The following CCDC18 variants were observed in gnomAD, a reference collection of about 807,000 sequenced individuals.
The protein encoded by CCDC18 is coiled-coil domain containing 18.
A neutral mutation model predicts 196.0 loss-of-function variants in CCDC18; 157 were observed. The ratio of observed to expected loss-of-function variants is 0.80; its 90% confidence interval spans 0.70 to 0.91. The LOEUF (loss-of-function observed/expected upper bound fraction) is 0.91. Ranked by LOEUF, CCDC18 falls within the 40% of genes least tolerant of loss-of-function variation. CCDC18 has a pLI of 0.00. For missense variants in CCDC18, 1,465 were observed against 1,611.6 expected, an observed-to-expected ratio of 0.91 and a Z score of 1.56; for synonymous variants, 482 against 529.2, an observed-to-expected ratio of 0.91 and a Z score of 1.22.
intron 26 of CCDC18, among the ~76,000 whole-genome samples, chr1:93,263,115 C>T (rs1468359025): frequency 2.0e-5 from 3 of 152,034 alleles, no homozygotes; most frequent in Non-Finnish European, 4.4e-5. Context: ...GGCTCTGAGC[C>T]TGGCCCACAA....
chr1:93,209,687 G>C (rs995955779), intron 9 of CCDC18, among the ~76,000 whole-genome samples: 1 of 152,208 alleles, frequency 6.6e-6, no homozygotes, highest in African/African-American at 2.4e-5. Flanking sequence ...GATTTTTAAT[G>C]TACTGTTTGC....
chr1:93,213,050 G>T (rs1329217116), intron 11 of CCDC18, among the ~76,000 whole-genome samples: 1 of 152,154 alleles, frequency 6.6e-6, no homozygotes, highest in Non-Finnish European at 1.5e-5. Flanking sequence ...TAGGGTTTGT[G>T]TTCCTGTGGG....
chr1:93,201,756 G>C (rs1010566060), intron 6 of CCDC18, 136 bp from the exon 7 acceptor site: 1 of 499,584 alleles, frequency 2.0e-6, no homozygotes, highest in East Asian at 3.3e-5. Context: ...TATACTTTAA[G>C]CCTAATACTC....
intron 28 of CCDC18, among the ~76,000 whole-genome samples, chr1:93,275,016 C>T (rs1451635493): frequency 6.6e-6 from 1 of 152,180 alleles, no homozygotes; most frequent in East Asian, 1.9e-4. Context: ...GCATGAGCCT[C>T]AGTTGCATTA....
intron 14 of CCDC18, among the ~76,000 whole-genome samples, chr1:93,220,102 C>T (rs1372588423): frequency 6.6e-6 from 1 of 152,116 alleles, no homozygotes; most frequent in Non-Finnish European, 1.5e-5. Context: ...CATCAAAATC[C>T]TTGCCAAAAA....
intron 24 of CCDC18, among the ~76,000 whole-genome samples, chr1:93,255,915 G>C (rs982109453): frequency 1.3e-5 from 2 of 152,168 alleles, no homozygotes; most frequent in African/African-American, 4.8e-5. Flanking sequence ...TTCACAGAGA[G>C]TAAGACCTTA....
chr1:93,209,470 T>TA (rs1655255838), intron 9 of CCDC18, among the ~76,000 whole-genome samples: 1 of 152,242 alleles, frequency 6.6e-6, no homozygotes, highest in Non-Finnish European at 1.5e-5. Context: ...ATGGTAGACT[T>TA]ACCAATGTTA....
chr1:93,193,754 T>G lies in CCDC18; in HGVS notation c.698+10T>G. 2 of 1,536,914 alleles carry G rather than the reference T, an allele frequency of 1.3e-6. No homozygotes were observed. Among genetic ancestry groups the G allele is most frequent in the Non-Finnish European group, 1.7e-6 (2 of 1,149,364 alleles). ...CCAAACAAGGAAAAAGGTATGTGTT[T>G]TTAAAGCAAATACATGTTTTTGAAA... On this transcript the variant is annotated intron_variant, in intron 6 of 28. Transcript: ENST00000690025.
intron 21 of CCDC18, among the ~76,000 whole-genome samples, chr1:93,241,237 G>A (rs1282094969): frequency 6.6e-6 from 1 of 151,750 alleles, no homozygotes; most frequent in Non-Finnish European, 1.5e-5. Context: ...TTACAGACAT[G>A]AGCCACTGCA....
At chr1:93,204,563 G>GTA (rs1331244142) in intron 7 of CCDC18, among the ~76,000 whole-genome samples, 2 of 152,094 alleles carry the variant, frequency 1.3e-5, no homozygotes, top group Non-Finnish European at 1.5e-5. Context: ...CCAGAGTCAA[G>GTA]TGTAATATTA....
chr1:93,255,760 A>AGAAGAGGAG (rs1294375905), intron 24 of CCDC18, among the ~76,000 whole-genome samples: 1 of 99,400 alleles, frequency 1.0e-5, no homozygotes. Context: ...AAGAAGAGGA[A>AGAAGAGGAG]GAAGAGGAGG....
At chr1:93,237,984 G>C (rs970931892) in intron 19 of CCDC18, among the ~76,000 whole-genome samples, 1 of 151,974 alleles carries the variant, frequency 6.6e-6, no homozygotes, top group Non-Finnish European at 1.5e-5. Flanking sequence ...GGGTATCTCA[G>C]GGTTATCATT....
At chr1:93,263,164 G>A (rs959926142) in intron 26 of CCDC18, among the ~76,000 whole-genome samples, 1 of 152,090 alleles carries the variant, frequency 6.6e-6, no homozygotes, top group Non-Finnish European at 1.5e-5. Context: ...CTTGTGATGG[G>A]AGAGGCTTCC....
chr1:93,207,025 T>A, intron 8 of CCDC18, 82 bp from the exon 9 acceptor site: 3 of 807,960 alleles, frequency 3.7e-6, no homozygotes, highest in Non-Finnish European at 5.5e-6. Flanking sequence ...CTTCAAAAAA[T>A]TTTAAAAGTG....
intron 6 of CCDC18, among the ~76,000 whole-genome samples, chr1:93,201,279 G>A (rs898597158): frequency 1.3e-5 from 2 of 152,168 alleles, no homozygotes; most frequent in Non-Finnish European, 1.5e-5. Flanking sequence ...TTAGGTGTGA[G>A]AGTGATATTG....
chr1:93,246,610 TA>T (rs905486249), intron 22 of CCDC18, among the ~76,000 whole-genome samples: 2 of 151,910 alleles, frequency 1.3e-5, no homozygotes, highest in African/African-American at 2.4e-5. Flanking sequence ...TATGTATTGT[TA>T]AAAAAAATGC....
chr1:93,229,467 CTGATT>C (rs1570466313), intron 17 of CCDC18, among the ~76,000 whole-genome samples: 1 of 152,106 alleles, frequency 6.6e-6, no homozygotes, highest in Non-Finnish European at 1.5e-5. Context: ...TTTAGAAAAT[CTGATT>C]TGAGTAATAG....
chr1:93,197,514 G>A (rs761089762), intron 6 of CCDC18, among the ~76,000 whole-genome samples: 1 of 151,936 alleles, frequency 6.6e-6, no homozygotes. Flanking sequence ...AAATATATGT[G>A]TGTGTGTGTG....
At chr1:93,193,238 A>G (rs527839085) in intron 5 of CCDC18, among the ~76,000 whole-genome samples, 2 of 152,280 alleles carry the variant, frequency 1.3e-5, no homozygotes, top group African/African-American at 2.4e-5. Flanking sequence ...CCTTTTCAGC[A>G]TTTATACTAC....
Sources: allele counts gnomAD v4.1 joint callset (sites outside exome capture counted in the v4.1 genomes callset), GRCh38; gene constraint gnomAD v4.1.1; transcripts MANE v1.5; gene names NCBI Gene and HGNC (gene_info 2026-07-23, HGNC 2026-07-21).